RBKS: variants seen among roughly 807,000 people sequenced by gnomAD.
The protein encoded by RBKS is ribokinase.
In RBKS, 33 loss-of-function variants were observed where a neutral mutation model predicts 33.9. That is an observed-to-expected ratio of 0.97 (90% CI 0.74 to 1.30). RBKS has a LOEUF of 1.30. Among genes scored for constraint, RBKS ranks in the 50% most tolerant of loss-of-function variants. The pLI is 0.00. For synonymous variants in RBKS, 125 were observed against 143.0 expected (o/e 0.87, Z 0.90); for missense variants, 361 against 392.6 (o/e 0.92, Z 0.68).
intron 7 of RBKS, among the ~76,000 whole-genome samples, chr2:27,789,886 G>A (rs575758903): frequency 6.9e-6 from 1 of 145,628 alleles, no homozygotes; most frequent in East Asian, 2.0e-4. Context: ...GTGTGTGTGT[G>A]TGTGTGTGTA....
chr2:27,831,828 T>C (rs1678420882), intron 6 of RBKS, among the ~76,000 whole-genome samples: 3 of 152,218 alleles, frequency 2.0e-5, no homozygotes, highest in Middle Eastern at 6.8e-3. Context: ...GGTGGGAGGA[T>C]TGCTTAAACC....
intron 7 of RBKS, among the ~76,000 whole-genome samples, chr2:27,785,430 G>C (rs1677378485): frequency 6.6e-6 from 1 of 152,158 alleles, no homozygotes; most frequent in Non-Finnish European, 1.5e-5. Flanking sequence ...AATGTATATG[G>C]TAGGTAATAA....
chr2:27,816,742 T>C (rs917180664), intron 7 of RBKS, among the ~76,000 whole-genome samples: 4 of 151,974 alleles, frequency 2.6e-5, no homozygotes, highest in Admixed American at 6.6e-5. Flanking sequence ...GGACTACAGG[T>C]GCCTGCCACC....
At chr2:27,820,618 C>G (rs1305076430) in intron 7 of RBKS, among the ~76,000 whole-genome samples, 1 of 151,870 alleles carries the variant, frequency 6.6e-6, no homozygotes, top group Non-Finnish European at 1.5e-5. Context: ...TGCTATGTTG[C>G]CCAGGCTGCT....
At chr2:27,867,461 G>A (rs1490741431) in intron 1 of RBKS, among the ~76,000 whole-genome samples, 8 of 152,164 alleles carry the variant, frequency 5.3e-5, no homozygotes, top group Non-Finnish European at 1.2e-4. Context: ...GAAGTTATGT[G>A]ACGGGAGTCT....
chr2:27,863,550 C>T (rs771403268), intron 1 of RBKS, among the ~76,000 whole-genome samples: 71 of 152,262 alleles, frequency 4.7e-4, no homozygotes, highest in Non-Finnish European at 7.6e-4. Flanking sequence ...AGAGATTATT[C>T]GAACCAAAGG....
chr2:27,821,040 C>CAAAAAAAAAAAAAAAAAAAAAAAA (rs59964452), intron 7 of RBKS, among the ~76,000 whole-genome samples: 1 of 68,442 alleles, frequency 1.5e-5, no homozygotes, highest in Non-Finnish European at 3.2e-5. Context: ...AACTCCATCT[C>CAAAAAAAAAAAAAAAAAAAAAAAA]AAAAAAAAAA....
intron 7 of RBKS, among the ~76,000 whole-genome samples, chr2:27,789,900 AGTGTGT>A (rs1029819436): frequency 3.4e-5 from 4 of 118,042 alleles, no homozygotes; most frequent in East Asian, 5.2e-4. Flanking sequence ...GTGTGTATAG[AGTGTGT>A]GTGTGTGTGT....
rs762903257 is a variant in RBKS, at chr2:27,810,097, T to C, written c.795+17470A>G. Reference sequence around the variant, plus strand: ...CAATTGTTCTGTGAATCTAACTGCATTGAAAGCTGGTGTGGATGATTCACA... The same window carrying C: ...CAATTGTTCTGTGAATCTAACTGCACTGAAAGCTGGTGTGGATGATTCACA... On this transcript the variant is annotated intron_variant, in intron 7 of 7. Coordinates refer to ENST00000302188, the MANE Select transcript of RBKS (RefSeq NM_022128.3). This position sits in a 1 kb window ranked among gnomAD's most constrained non-coding sequence, Gnocchi z 4.4. The C allele has an allele frequency of 3.2e-5, 42 of 1,302,554 alleles. No individual in the cohort carries two copies. The highest frequency in any genetic ancestry group is 2.5e-4 in the Admixed American group (11 of 43,244). 80.7% of individuals were successfully genotyped at this position (1,302,554 alleles called of 1,614,324 possible). A position where few individuals can be genotyped will look rare whatever the true frequency, so the allele number is the denominator to read the frequency against.
chr2:27,848,061 T>A lies in RBKS; in HGVS notation c.259A>T (p.Asn87Tyr). ...GTAGAAATATCATTCTGTTTTAAGT[T>A]TTCTATATAATCATTGCCAAAAGAA... The part of the protein sequence containing the change: ...KDSFGNDYIE[N>Y]LKQNDISTEF... Residue 87 changes from asparagine to tyrosine, a missense_variant, in exon 3 of 8, where the codon AAC becomes TAC. Physicochemically the swap from Asn to Tyr is moderately radical, Grantham distance 143 (BLOSUM62 -2). Transcript: ENST00000302188. The A allele has an allele frequency of 6.6e-7, 1 of 1,508,498 alleles. No homozygotes were observed. The highest frequency in any genetic ancestry group is 9.2e-7 in the Non-Finnish European group (1 of 1,092,768). The allele number at this position is 1,508,498 out of a possible 1,614,324, so 93.4% of individuals were successfully genotyped here. A position where few individuals can be genotyped will look rare whatever the true frequency, so the allele number is the denominator to read the frequency against.
At chr2:27,884,273 G>A (rs1664479873) in intron 1 of RBKS, among the ~76,000 whole-genome samples, 1 of 152,062 alleles carries the variant, frequency 6.6e-6, no homozygotes, top group Non-Finnish European at 1.5e-5. Flanking sequence ...ATGTTTAACA[G>A]GGTCTCACTC....
intron 7 of RBKS, among the ~76,000 whole-genome samples, chr2:27,805,700 G>A (rs575608811): frequency 2.7e-5 from 4 of 150,044 alleles, no homozygotes; most frequent in East Asian, 2.0e-4. Context: ...TCAGCCTCCC[G>A]AGTAGCTGGG....
In RBKS at chr2:27,789,883, TGTGTGTGTGTGTATAGA is replaced by T. The variant is rs1397280168; in HGVS notation, c.796-8112_796-8096del. Among the ~76,000 whole-genome samples the T allele has an allele frequency of 6.9e-5, 10 of 145,782 alleles. No homozygotes were observed. The East Asian group carries it at 2.0e-3, about 29-fold the overall frequency. ...TGGCCAGCTGATGTGTGTGTGTGTGTGTGTGTGTGTGTATAGAGTGTGTGTGTGTGTGTTTGTGTGTG... is the reference window on the plus strand; with the variant it reads ...TGGCCAGCTGATGTGTGTGTGTGTGTGTGTGTGTGTGTGTGTTTGTGTGTG... On this transcript the variant is annotated intron_variant, in intron 7 of 7. Coordinates refer to ENST00000302188, the MANE Select transcript of RBKS (RefSeq NM_022128.3).
At position 27,781,444 on chromosome 2, in the gene RBKS, A is replaced by G; in HGVS notation, c.*171T>C. 1.7e-6 allele frequency: 1 copy of G among 575,728 alleles called. No homozygotes were observed. The highest frequency in any genetic ancestry group is 2.5e-5 in the South Asian group (1 of 39,218). The allele number at this position is 575,728 out of a possible 1,614,324, so 35.7% of individuals were successfully genotyped here. A position where few individuals can be genotyped will look rare whatever the true frequency, so the allele number is the denominator to read the frequency against. On this transcript the variant is annotated 3_prime_UTR_variant, in exon 8 of 8. Coordinates refer to ENST00000302188, the MANE Select transcript of RBKS (RefSeq NM_022128.3). ...TGGTTGTTTTGTGCAAATGCATGGA[A>G]AGCAAAAGAATCATCGTTATAAATA... is the stretch of plus-strand genomic sequence containing the variant.
chr2:27,807,334 A>G, intron 7 of RBKS, among the ~76,000 whole-genome samples: 1 of 152,228 alleles, frequency 6.6e-6, no homozygotes, highest in East Asian at 1.9e-4. Context: ...GGAGGGATTA[A>G]TAGTGATTTA....
intron 1 of RBKS, among the ~76,000 whole-genome samples, chr2:27,885,038 G>T (rs983839593): frequency 6.6e-6 from 1 of 151,848 alleles, no homozygotes; most frequent in Admixed American, 6.6e-5. Flanking sequence ...CCAAACTCTT[G>T]TATCTATTTT....
chr2:27,858,557 A>C lies in RBKS; in HGVS notation c.104T>G (p.Leu35Trp). Reference protein sequence around the residue: ...MTDLVSLTSRLPKTGETIHGH... With the variant: ...MTDLVSLTSRWPKTGETIHGH... Reference sequence around the variant, plus strand: ...ATGGATGGTTTCTCCAGTTTTTGGCAAACGAGAAGTAAGACTATTGTAATT... The same window carrying C: ...ATGGATGGTTTCTCCAGTTTTTGGCCAACGAGAAGTAAGACTATTGTAATT... Residue 35 changes from leucine to tryptophan, a missense_variant, in exon 2 of 8, where the codon TTG (leucine) becomes TGG (tryptophan). By Grantham distance (61) the Leu-to-Trp change is moderately conservative. Transcript: ENST00000302188. 1 of 1,613,422 alleles carries C rather than the reference A, an allele frequency of 6.2e-7. No homozygotes were observed. The highest frequency in any genetic ancestry group is 8.5e-7 in the Non-Finnish European group (1 of 1,179,714).
Position 27,810,670 on chromosome 2 carries a change from CA to C in RBKS, c.795+16896del, listed in dbSNP as rs1397770967. Among the ~76,000 whole-genome samples the C allele has an allele frequency of 6.6e-6, 1 of 152,086 alleles. No homozygotes were observed. The highest frequency in any genetic ancestry group is 1.5e-5 in the Non-Finnish European group (1 of 68,028). ...GAAATAACCATCTTAGTTATCGCCC[CA>C]CTGCCCCCACTTTTTTTAAGGAAAT... On this transcript the variant is annotated intron_variant, in intron 7 of 7. Transcript: ENST00000302188. The surrounding 1 kb of genome is among the most constrained non-coding windows in gnomAD (Gnocchi z 4.4).
In RBKS at chr2:27,826,413, CTTTTT is replaced by C. The variant is rs1269916189; in HGVS notation, c.795+1149_795+1153del. 5.6e-5 allele frequency among the ~76,000 whole-genome samples: 8 copies of C among 142,808 alleles called. No individual in the cohort carries two copies. The East Asian group carries it at 1.6e-3, about 29-fold the overall frequency. 93.7% of individuals were successfully genotyped at this position (142,808 alleles called of 152,430 possible). Reference sequence around the variant, plus strand: ...GCTCTCCTGAATCTGTTTTTCTTTTCTTTTTTTTTTTTTTGAGACGGACTCTCGCT... The same window carrying C: ...GCTCTCCTGAATCTGTTTTTCTTTTCTTTTTTTTTGAGACGGACTCTCGCT... On this transcript the variant is annotated intron_variant, in intron 7 of 7. Transcript: ENST00000302188.
Sources: gnomAD v4.1 joint callset for allele counts (sites outside exome capture counted in the v4.1 genomes callset) on GRCh38, gnomAD v4.1.1 for gene constraint, Gnocchi (gnomAD v3.1) non-coding constraint, MANE v1.5 for transcripts, NCBI Gene and HGNC (gene_info 2026-07-23, HGNC 2026-07-21) for gene names.